Variants in PCDH15 observed in about 807,000 individuals in gnomAD.
The protein encoded by PCDH15 is protocadherin related 15.
A neutral mutation model predicts 178.5 loss-of-function variants in PCDH15; 129 were observed. The observed-to-expected ratio is 0.72, with a 90% CI of 0.63 to 0.84. The LOEUF is 0.84. Ranked by LOEUF, PCDH15 falls within the 40% of genes least tolerant of loss-of-function variation. The pLI is 0.00. For missense variants in PCDH15, 2,230 were observed against 2,099.9 expected (o/e 1.06, Z -1.21); for synonymous variants, 800 against 732.0 (o/e 1.09, Z -1.50).
At chr10:54,697,254 A>G (rs1328607866) in intron 1 of PCDH15, among the ~76,000 whole-genome samples, 1 of 152,106 alleles carries the variant, frequency 6.6e-6, no homozygotes, top group Non-Finnish European at 1.5e-5. Context: ...TAGCTTATAT[A>G]TACTTGATAG....
rs982801860 is a variant in PCDH15, at chr10:54,864,359, T to A, written c.-29+33091A>T. 2.0e-5 allele frequency among the ~76,000 whole-genome samples: 3 copies of A among 152,174 alleles called. No homozygotes were observed. In the East Asian group the frequency reaches 5.8e-4, roughly 29 times the overall value. Reference sequence around the variant, plus strand: ...TCTTTTTTCATTATGTTTCATAAATTATATTCATAAAAAAGTCATATATAA... The same window carrying A: ...TCTTTTTTCATTATGTTTCATAAATAATATTCATAAAAAAGTCATATATAA... On this transcript the variant is annotated intron_variant, in intron 3 of 5. Transcript: ENST00000458638.
At chr10:54,614,127 T>C (rs142906572) in intron 2 of PCDH15, among the ~76,000 whole-genome samples, 2 of 151,952 alleles carry the variant, frequency 1.3e-5, no homozygotes, top group African/African-American at 4.8e-5. Context: ...CATATATGCA[T>C]ATACACTAGA....
intron 2 of PCDH15, among the ~76,000 whole-genome samples, chr10:55,515,240 A>G (rs1377111969): frequency 6.6e-6 from 1 of 151,760 alleles, no homozygotes; most frequent in Non-Finnish European, 1.5e-5. Context: ...CTGCCTTCCA[A>G]AGTGCTAGGA....
chr10:55,608,243 GA>G (rs1843277619), intron 2 of PCDH15, among the ~76,000 whole-genome samples: 1 of 149,536 alleles, frequency 6.7e-6, no homozygotes, highest in African/African-American at 2.4e-5. Flanking sequence ...AGGAAGGAAG[GA>G]AGAAAGGGAG....
intron 1 of PCDH15, among the ~76,000 whole-genome samples, chr10:55,222,526 T>A (rs1224896531): frequency 6.6e-6 from 1 of 151,742 alleles, no homozygotes; most frequent in Non-Finnish European, 1.5e-5. Flanking sequence ...TAAAATGGTA[T>A]TTTTCTTTGT....
Position 54,369,295 on chromosome 10 carries a change from T to A in PCDH15, c.319-20A>T, listed in dbSNP as rs764634455. The A allele has an allele frequency of 1.9e-5, 31 of 1,609,462 alleles. No homozygotes were observed. Among genetic ancestry groups the A allele is most frequent in the African/African-American group, 5.3e-5 (4 of 74,788 alleles). On this transcript the variant is annotated intron_variant, in intron 4 of 37. Coordinates refer to ENST00000644397, the MANE Select transcript of PCDH15 (RefSeq NM_001384140.1). ...CGGTGGCTGCAATGTAGAAATTGCA[T>A]CTTTTAAAATACTAATTAAAAACAA...
At chr10:55,063,684 A>C (rs1841496391) in intron 2 of PCDH15, among the ~76,000 whole-genome samples, 1 of 152,172 alleles carries the variant, frequency 6.6e-6, no homozygotes. Flanking sequence ...ACAGATACGC[A>C]TAAACATTAT....
At chr10:54,954,137 A>C (rs1324169876) in intron 2 of PCDH15, among the ~76,000 whole-genome samples, 1 of 151,272 alleles carries the variant, frequency 6.6e-6, no homozygotes, top group Non-Finnish European at 1.5e-5. Flanking sequence ...CCTATCATCT[A>C]AAGGATAAAA....
At chr10:54,097,527 C>G (rs1266182022) in intron 15 of PCDH15, among the ~76,000 whole-genome samples, 1 of 152,166 alleles carries the variant, frequency 6.6e-6, no homozygotes, top group Non-Finnish European at 1.5e-5. Context: ...TTCCTTCTTT[C>G]ATTTTCCCCA....
intron 1 of PCDH15, among the ~76,000 whole-genome samples, chr10:54,756,325 A>G (rs913574814): frequency 6.6e-6 from 1 of 152,154 alleles, no homozygotes; most frequent in Non-Finnish European, 1.5e-5. Flanking sequence ...CTATCTTATT[A>G]CTGACGTGTC....
intron 2 of PCDH15, among the ~76,000 whole-genome samples, chr10:55,434,059 C>T (rs930852174): frequency 4.2e-5 from 6 of 144,330 alleles, no homozygotes; most frequent in African/African-American, 1.0e-4. Context: ...ACAAATTCTC[C>T]GCTTTTTCTT....
intron 26 of PCDH15, among the ~76,000 whole-genome samples, chr10:53,890,438 C>T (rs2081478014): frequency 6.6e-6 from 1 of 151,954 alleles, no homozygotes; most frequent in African/African-American, 2.4e-5. Context: ...AAAAAAAGAA[C>T]AAAAAAATTC....
chr10:54,314,655 A>C (rs1382358956), intron 8 of PCDH15, among the ~76,000 whole-genome samples: 1 of 152,034 alleles, frequency 6.6e-6, no homozygotes, highest in African/African-American at 2.4e-5. Flanking sequence ...CCAGTACCCA[A>C]TAGTCATCTT....
intron 1 of PCDH15, among the ~76,000 whole-genome samples, chr10:54,688,622 C>T (rs1323774109): frequency 1.3e-5 from 2 of 152,044 alleles, no homozygotes; most frequent in Non-Finnish European, 2.9e-5. Context: ...TAGGTTTTCT[C>T]CTTTCATCTC....
At chr10:55,423,174 A>G (rs1838665521) in intron 2 of PCDH15, among the ~76,000 whole-genome samples, 1 of 151,974 alleles carries the variant, frequency 6.6e-6, no homozygotes, top group Non-Finnish European at 1.5e-5. Context: ...TGATTAAAAA[A>G]GTTTTGCTTT....
At chr10:54,883,159 C>A (rs571948899) in intron 3 of PCDH15, among the ~76,000 whole-genome samples, 1 of 152,070 alleles carries the variant, frequency 6.6e-6, no homozygotes, top group East Asian at 1.9e-4. Flanking sequence ...AAAACTGAAG[C>A]TAACAGCTAC....
intron 8 of PCDH15, among the ~76,000 whole-genome samples, chr10:54,280,924 T>A (rs1386393361): frequency 6.6e-6 from 1 of 151,868 alleles, no homozygotes; most frequent in Non-Finnish European, 1.5e-5. Flanking sequence ...CTCAAATTTA[T>A]ATAATTTTTT....
At chr10:54,738,285 T>C (rs1403252287) in intron 1 of PCDH15, among the ~76,000 whole-genome samples, 3 of 152,198 alleles carry the variant, frequency 2.0e-5, no homozygotes, top group African/African-American at 7.2e-5. Context: ...ATATTGAGAA[T>C]AGATTATAAT....
intron 8 of PCDH15, among the ~76,000 whole-genome samples, chr10:54,259,089 G>C (rs1031640091): frequency 6.7e-5 from 10 of 149,962 alleles, no homozygotes; most frequent in Non-Finnish European, 1.0e-4. Context: ...TGAGGAGATA[G>C]TGACCTAAAT....
Sources: allele counts gnomAD v4.1 joint callset (sites outside exome capture counted in the v4.1 genomes callset), GRCh38; gene constraint gnomAD v4.1.1; transcripts MANE v1.5; gene names NCBI Gene and HGNC (gene_info 2026-07-23, HGNC 2026-07-21).